EPHA4: variants seen among roughly 807,000 people sequenced by gnomAD.
The protein encoded by EPHA4 is EPH receptor A4.
Under a neutral mutation model 108.3 loss-of-function variants are expected in EPHA4, and 19 were observed. The observed-to-expected ratio is 0.18, with a 90% CI of 0.12 to 0.26. EPHA4 has a LOEUF of 0.26. Ranked by LOEUF, EPHA4 falls within the 10% of genes least tolerant of loss-of-function variation. The probability of loss-of-function intolerance (pLI) is 1.00; values close to 1 mark genes in which losing one functional copy is unlikely to be tolerated. For missense variants in EPHA4, 917 were observed against 1,254.0 expected, an observed-to-expected ratio of 0.73 and a Z score of 4.06; for synonymous variants, 449 against 455.5, an observed-to-expected ratio of 0.99 and a Z score of 0.18.
At chr2:221,566,528 GCTA>G (rs1694630659) in intron 2 of EPHA4, among the ~76,000 whole-genome samples, 1 of 151,736 alleles carries the variant, frequency 6.6e-6, no homozygotes, top group African/African-American at 2.4e-5. Flanking sequence ...TTTCTCAATG[GCTA>G]CTGTGTATTT....
intron 5 of EPHA4, among the ~76,000 whole-genome samples, chr2:221,480,850 C>T (rs1342124979): frequency 6.6e-6 from 1 of 152,104 alleles, no homozygotes; most frequent in Non-Finnish European, 1.5e-5. Context: ...AAAATAATGG[C>T]TTTGGATTGG....
intron 8 of EPHA4, among the ~76,000 whole-genome samples, chr2:221,451,487 A>C (rs985899119): frequency 5.3e-5 from 8 of 152,344 alleles, no homozygotes; most frequent in Non-Finnish European, 8.8e-5. Flanking sequence ...GGAGATCACA[A>C]ATATATAAAT....
In EPHA4 at chr2:221,512,941, C is replaced by T. The variant is rs368452183; in HGVS notation, c.824-11769G>A. Among the ~76,000 whole-genome samples the T allele has an allele frequency of 4.6e-5, 7 of 152,286 alleles. No homozygotes were observed. The South Asian group carries it at 1.5e-3, about 32-fold the overall frequency. ...TAAGGAGTGATCTCTGGCAGAGGTGCTTTGAGACTTTCCTGGGGACCTCAC... is the reference window on the plus strand; with the variant it reads ...TAAGGAGTGATCTCTGGCAGAGGTGTTTTGAGACTTTCCTGGGGACCTCAC... On this transcript the variant is annotated intron_variant, in intron 3 of 17. Coordinates refer to ENST00000281821, the MANE Select transcript of EPHA4 (RefSeq NM_004438.5).
intron 5 of EPHA4, among the ~76,000 whole-genome samples, chr2:221,464,803 C>T (rs1294369802): frequency 2.6e-5 from 4 of 152,154 alleles, no homozygotes; most frequent in African/African-American, 9.7e-5. Context: ...CATGCATCCA[C>T]ACAAGCACAG....
intron 9 of EPHA4, 77 bp from the exon 10 acceptor site, chr2:221,443,683 T>G: frequency 9.5e-7 from 1 of 1,052,012 alleles, no homozygotes; most frequent in South Asian, 1.4e-5. Context: ...GGGTCTAAAA[T>G]TACCAAACAT....
At chr2:221,508,881 AC>A (rs1298326700) in intron 3 of EPHA4, among the ~76,000 whole-genome samples, 2 of 136,492 alleles carry the variant, frequency 1.5e-5, no homozygotes, top group African/African-American at 5.8e-5. Context: ...AATATTGTGA[AC>A]TGATCATTGT....
At chr2:221,554,081 G>A (rs1694238742) in intron 3 of EPHA4, among the ~76,000 whole-genome samples, 1 of 152,192 alleles carries the variant, frequency 6.6e-6, no homozygotes, top group African/African-American at 2.4e-5. Flanking sequence ...GTGTGGGTCT[G>A]TTTAAATCCA....
chr2:221,429,173 A>G (rs1689999154), intron 15 of EPHA4, among the ~76,000 whole-genome samples: 1 of 152,154 alleles, frequency 6.6e-6, no homozygotes, highest in Admixed American at 6.5e-5. Context: ...ACTGATAAAG[A>G]TGGTCCACAC....
chr2:221,532,741 T>A (rs544147197), intron 3 of EPHA4: 41 of 152,414 alleles, frequency 2.7e-4, no homozygotes, highest in Admixed American at 2.7e-3. Context: ...AGGCTTGGCC[T>A]CCTAAGGGGT....
chr2:221,530,371 C>T (rs554290493), intron 3 of EPHA4, among the ~76,000 whole-genome samples: 1 of 152,348 alleles, frequency 6.6e-6, no homozygotes, highest in South Asian at 2.1e-4. Context: ...CTTTCATCTG[C>T]AGTCATGTTC....
rs895421796 is a variant in EPHA4 at position 221,419,839 on chromosome 2, G to A, written c.*1533C>T. 5.9e-5 allele frequency: 9 copies of A among 152,602 alleles called. No homozygotes were observed. The highest frequency in any genetic ancestry group is 1.0e-4 in the Non-Finnish European group (7 of 68,054). The allele number at this position is 152,602 out of a possible 1,614,324, so 9.5% of individuals were successfully genotyped here. A position where few individuals can be genotyped will look rare whatever the true frequency, so the allele number is the denominator to read the frequency against. Reference sequence around the variant, plus strand: ...GTCTCCAGGTCCACTGTATCATGTAGTTCTTCATCTTGAAACTGGTGGAAA... The same window carrying A: ...GTCTCCAGGTCCACTGTATCATGTAATTCTTCATCTTGAAACTGGTGGAAA... On this transcript the variant is annotated 3_prime_UTR_variant, in exon 18 of 18. Transcript: ENST00000281821.
chr2:221,429,845 A>C (rs1559236004), intron 15 of EPHA4, 113 bp downstream of exon 15: 1 of 1,150,046 alleles, frequency 8.7e-7, no homozygotes, highest in Non-Finnish European at 1.3e-6. Flanking sequence ...CCCAGGTTGC[A>C]GAGAGCCATG....
At chr2:221,444,744 C>CTTTTTTTTTTTTTTT (rs71266317) in intron 9 of EPHA4, among the ~76,000 whole-genome samples, 41 of 74,984 alleles carry the variant, frequency 5.5e-4, no homozygotes, top group Non-Finnish European at 7.7e-4. Flanking sequence ...TTTTTTCTAT[C>CTTTTTTTTTTTTTTT]TTTTTTTTTT....
upstream of EPHA4, chr2:221,573,682 A>AGCCAACCGCGC (rs1021659073): frequency 6.6e-6 from 1 of 151,976 alleles, no homozygotes; most frequent in African/African-American, 2.4e-5. This position sits in a 1 kb window ranked among gnomAD's most constrained non-coding sequence, Gnocchi z 4.5. Context: ...GCTCATCGTG[A>AGCCAACCGCGC]GCCAACCGCG....
chr2:221,447,013 T>C (rs1690613580), intron 8 of EPHA4, among the ~76,000 whole-genome samples: 1 of 152,192 alleles, frequency 6.6e-6, no homozygotes, highest in South Asian at 2.1e-4. Flanking sequence ...CAATCAGAAA[T>C]GTATATATCT....
At chr2:221,561,196 C>T (rs536467016) in intron 3 of EPHA4, among the ~76,000 whole-genome samples, 32 of 152,078 alleles carry the variant, frequency 2.1e-4, no homozygotes, top group African/African-American at 6.3e-4. Flanking sequence ...GAGCCAAGAT[C>T]GCGCCACTGC....
At chr2:221,436,230 C>T (rs1396834907) in intron 13 of EPHA4, among the ~76,000 whole-genome samples, 169 bp downstream of exon 13, 1 of 152,002 alleles carries the variant, frequency 6.6e-6, no homozygotes, top group Non-Finnish European at 1.5e-5. Context: ...CTTCAAAATC[C>T]CTCTTTTATT....
chr2:221,487,648 C>A (rs1692017722), intron 4 of EPHA4, among the ~76,000 whole-genome samples: 1 of 152,116 alleles, frequency 6.6e-6, no homozygotes, highest in Non-Finnish European at 1.5e-5. Flanking sequence ...TAGATTGGTA[C>A]AAAAGTAATG....
intron 15 of EPHA4, among the ~76,000 whole-genome samples, chr2:221,429,551 C>A (rs574534278): frequency 3.0e-4 from 46 of 152,228 alleles, no homozygotes; most frequent in Non-Finnish European, 5.0e-4. Flanking sequence ...AATTGCCGTG[C>A]TTAAAGACCT....
Sources: gnomAD v4.1 joint callset for allele counts (sites outside exome capture counted in the v4.1 genomes callset) on GRCh38, gnomAD v4.1.1 for gene constraint, Gnocchi (gnomAD v3.1) non-coding constraint, MANE v1.5 for transcripts, NCBI Gene and HGNC (gene_info 2026-07-23, HGNC 2026-07-21) for gene names.